Variants in COL25A1 observed in about 807,000 individuals in gnomAD.
COL25A1 encodes the protein collagen alpha-1(XXV) chain.
COL25A1 carries 103 observed loss-of-function variants against 128.4 expected under a neutral mutation model. That is an observed-to-expected ratio of 0.80 (90% CI 0.68 to 0.94). The LOEUF (loss-of-function observed/expected upper bound fraction) is 0.94. COL25A1 is among the 40% of genes least tolerant of loss of function. The probability of loss-of-function intolerance (pLI) is 0.00; values close to 1 mark genes in which losing one functional copy is unlikely to be tolerated. For missense variants in COL25A1, 745 were observed against 840.0 expected, an observed-to-expected ratio of 0.89 and a Z score of 1.40; for synonymous variants, 279 against 277.2, an observed-to-expected ratio of 1.01 and a Z score of -0.06.
rs543978125 is a variant in COL25A1, at chr4:108,843,525, A to G, written c.1629+994T>C. Among the ~76,000 whole-genome samples, 8 of 152,252 alleles carry G rather than the reference A, an allele frequency of 5.3e-5. No individual in the cohort carries two copies. The South Asian group carries it at 1.7e-3, about 32-fold the overall frequency. ...CTGTCTTTGGTTTGACATTTAGAGA[A>G]TTATACTTGCTTAATGGCTGCCTTC... is the stretch of plus-strand genomic sequence containing the variant. On this transcript the variant is annotated intron_variant, in intron 30 of 37. Coordinates refer to ENST00000399132, the MANE Select transcript of COL25A1 (RefSeq NM_198721.4).
intron 13 of COL25A1, among the ~76,000 whole-genome samples, chr4:108,902,101 T>G (rs1742913459): frequency 6.6e-6 from 1 of 152,078 alleles, no homozygotes; most frequent in African/African-American, 2.4e-5. Flanking sequence ...TAGACTTTAT[T>G]GTTAGAGCAG....
intron 13 of COL25A1, among the ~76,000 whole-genome samples, chr4:108,914,568 C>T (rs1744639485): frequency 6.6e-6 from 1 of 151,580 alleles, no homozygotes; most frequent in Admixed American, 6.6e-5. Context: ...ATGTGTATTT[C>T]TGCATATTCA....
chr4:109,123,196 T>G (rs1411785590), intron 3 of COL25A1, among the ~76,000 whole-genome samples: 1 of 151,910 alleles, frequency 6.6e-6, no homozygotes, highest in Non-Finnish European at 1.5e-5. Context: ...ATTTATCAAA[T>G]TTTCTCTGAC....
chr4:108,939,136 T>A (rs532835653), intron 10 of COL25A1, among the ~76,000 whole-genome samples: 82 of 152,372 alleles, frequency 5.4e-4, no homozygotes, highest in Non-Finnish European at 1.1e-3. Context: ...CTCAATGATC[T>A]GACTAATGTA....
chr4:109,165,508 G>A (rs1051448629), intron 3 of COL25A1, among the ~76,000 whole-genome samples: 18 of 152,156 alleles, frequency 1.2e-4, no homozygotes, highest in African/African-American at 3.4e-4. Context: ...TGGAGACCAC[G>A]AGTTCGAGAC....
chr4:108,872,187 G>C (rs1738809746), intron 19 of COL25A1, among the ~76,000 whole-genome samples: 1 of 152,194 alleles, frequency 6.6e-6, no homozygotes, highest in Non-Finnish European at 1.5e-5. Flanking sequence ...AGGCCAAGGA[G>C]GATGGATTAC....
intron 3 of COL25A1, among the ~76,000 whole-genome samples, chr4:109,081,420 T>C (rs1409772299): frequency 6.6e-6 from 1 of 152,232 alleles, no homozygotes; most frequent in African/African-American, 2.4e-5. Flanking sequence ...GAACCCAAAC[T>C]GATCTAACTA....
At chr4:108,875,658 T>G (rs1025397455) in intron 19 of COL25A1, among the ~76,000 whole-genome samples, 9 of 152,192 alleles carry the variant, frequency 5.9e-5, no homozygotes, top group African/African-American at 2.2e-4. Context: ...GTGTGGCGAC[T>G]CCTCAAGGAT....
intron 3 of COL25A1, among the ~76,000 whole-genome samples, chr4:109,228,926 T>C (rs1467152835): frequency 1.3e-5 from 2 of 152,216 alleles, no homozygotes; most frequent in Non-Finnish European, 2.9e-5. Flanking sequence ...TACATCATTC[T>C]TCAAACAAAA....
At chr4:109,006,378 A>ATTTTTTTTTTTTTTTTTTTTTTT (rs56845799) in intron 6 of COL25A1, among the ~76,000 whole-genome samples, 18 of 51,872 alleles carry the variant, frequency 3.5e-4, no homozygotes, top group East Asian at 1.7e-3. Context: ...CACCCAGCTA[A>ATTTTTTTTTTTTTTTTTTTTTTT]TTTTTTTTTT....
chr4:108,849,322 AT>A (rs1480176799), intron 26 of COL25A1, among the ~76,000 whole-genome samples: 3 of 152,222 alleles, frequency 2.0e-5, no homozygotes, highest in Non-Finnish European at 4.4e-5. Context: ...TGAGTGTGCA[AT>A]TTCCAGAAAA....
intron 3 of COL25A1, among the ~76,000 whole-genome samples, chr4:109,068,487 G>C (rs1298107244): frequency 1.3e-5 from 2 of 151,966 alleles, no homozygotes; most frequent in African/African-American, 2.4e-5. Context: ...CAAAATCGGA[G>C]GGAAAGCAAA....
In COL25A1 at chr4:108,941,418, T is replaced by A; in HGVS notation, c.512A>T (p.Asn171Ile). 3 of 1,613,976 alleles carry A rather than the reference T, an allele frequency of 1.9e-6. No individual in the cohort carries two copies. Among genetic ancestry groups the A allele is most frequent in the Non-Finnish European group, 2.5e-6 (3 of 1,179,900 alleles). The change falls in exon 9 of 38, where the codon AAT (asparagine) becomes ATT (isoleucine). Residue 171 changes from asparagine (N) to isoleucine (I), a missense_variant. By Grantham distance (149) the Asn-to-Ile change is moderately radical. Around this residue, in one of 3 missense-constraint regions of COL25A1, gnomAD observed 319 missense variants for 324.9 expected, o/e 0.98. Coordinates refer to ENST00000399132, the MANE Select transcript of COL25A1 (RefSeq NM_198721.4). ...QGPRMVFPKI[N>I]HGFLSADQQL... Reference sequence around the variant, plus strand: ...CTGATCAGCAGAGAGAAACCCATGATTGATTTTAGGAAACACCATCTGATC... The same window carrying A: ...CTGATCAGCAGAGAGAAACCCATGAATGATTTTAGGAAACACCATCTGATC...
chr4:108,906,129 T>G (rs1049521374), intron 13 of COL25A1, among the ~76,000 whole-genome samples: 6 of 152,134 alleles, frequency 3.9e-5, no homozygotes, highest in African/African-American at 1.4e-4. Context: ...TCCCATCTCA[T>G]TCAGAATAAG....
At chr4:109,019,240 G>C (rs1423836021) in intron 5 of COL25A1, among the ~76,000 whole-genome samples, 2 of 151,616 alleles carry the variant, frequency 1.3e-5, no homozygotes, top group East Asian at 3.9e-4. Flanking sequence ...CTTCAGTTTG[G>C]AGACTGAGAC....
At chr4:109,301,562 T>C (rs1578678231) in intron 2 of COL25A1, among the ~76,000 whole-genome samples, 161 bp downstream of exon 2, 1 of 152,302 alleles carries the variant, frequency 6.6e-6, no homozygotes, top group East Asian at 1.9e-4. Flanking sequence ...CATATAAATA[T>C]ATGCTACAGT....
rs75676441 is a variant in COL25A1 at position 109,242,112 on chromosome 4, G to A, written c.367+58471C>T. Among the ~76,000 whole-genome samples, 252 of 152,016 alleles carry A rather than the reference G, an allele frequency of 1.7e-3. 1 individual carries two copies. The highest frequency in any genetic ancestry group is 2.7e-3 in the Non-Finnish European group (181 of 67,950). On this transcript the variant is annotated intron_variant, in intron 3 of 37. Coordinates refer to ENST00000399132, the MANE Select transcript of COL25A1 (RefSeq NM_198721.4). The stretch of plus-strand genomic sequence containing the variant: ...ACATTCTCTGTGACATTAGTGTCCC[G>A]AGGCTTTGTAAAATGGAATGCTGCT...
intron 19 of COL25A1, among the ~76,000 whole-genome samples, chr4:108,877,118 G>A (rs1195756656): frequency 6.6e-6 from 1 of 152,204 alleles, no homozygotes; most frequent in Non-Finnish European, 1.5e-5. Context: ...TCTGACACAG[G>A]CTGCTAATTT....
At chr4:109,289,177 A>G (rs956791265) in intron 3 of COL25A1, among the ~76,000 whole-genome samples, 9 of 152,074 alleles carry the variant, frequency 5.9e-5, no homozygotes. Flanking sequence ...TAAGTTGTAG[A>G]TAATTAATAG....
Sources: allele counts gnomAD v4.1 joint callset (sites outside exome capture counted in the v4.1 genomes callset), GRCh38; gene constraint gnomAD v4.1.1; regional missense constraint gnomAD v4.1.1; transcripts MANE v1.5; gene names NCBI Gene and HGNC (gene_info 2026-07-23, HGNC 2026-07-21).